The following BARHL1 variants were observed in gnomAD, a reference collection of about 807,000 sequenced individuals.
BARHL1 encodes barH-like 1 homeobox protein.
A neutral mutation model predicts 20.1 loss-of-function variants in BARHL1; 2 were observed. That is an observed-to-expected ratio of 0.10 (90% CI 0.04 to 0.31). The LOEUF is 0.31. BARHL1 is among the 10% of genes least tolerant of loss of function. The pLI is 1.00. For synonymous variants in BARHL1, 213 were observed against 209.9 expected, an observed-to-expected ratio of 1.01 and a Z score of -0.13; for missense variants, 397 against 454.0, an observed-to-expected ratio of 0.87 and a Z score of 1.14.
At chr9:132,586,097 A>G (rs114330646) in intron 1 of BARHL1, among the ~76,000 whole-genome samples, 4,278 of 152,220 alleles carry the variant, frequency 0.028, 209 homozygotes, top group African/African-American at 0.098. Flanking sequence ...TCTCCTCTGC[A>G]CTCTCCTGGC....
At chr9:132,588,333 A>C (rs1202580963) in intron 2 of BARHL1, among the ~76,000 whole-genome samples, 1 of 152,164 alleles carries the variant, frequency 6.6e-6, no homozygotes, top group East Asian at 1.9e-4. Context: ...AGAGGCAGGA[A>C]TGGTGCTTTT....
Position 132,587,513 on chromosome 9 carries a change from C to T in BARHL1, c.651C>T (p.Leu217=). The change falls in exon 2 of 3, where the codon CTC becomes CTT. Residue 217 remains leucine (L), a synonymous_variant. Transcript: ENST00000263610. This position sits in a 1 kb window ranked among gnomAD's most constrained non-coding sequence, Gnocchi z 5.5. ...DRMELAASLN[L]TDTQVKTWYQ... is the part of the protein sequence containing the mutation. ...TGGAGCTCGCCGCCTCGCTCAACCT[C>T]ACCGACACGCAGGTCAAGACCTGGT... 6.2e-7 allele frequency: 1 copy of T among 1,612,488 alleles called. No individual in the cohort carries two copies. The highest frequency in any genetic ancestry group is 8.5e-7 in the Non-Finnish European group (1 of 1,179,504).
At chr9:132,584,087 C>A (rs566521617) in intron 1 of BARHL1, among the ~76,000 whole-genome samples, 2 of 147,758 alleles carry the variant, frequency 1.4e-5, no homozygotes, top group South Asian at 4.2e-4. Flanking sequence ...CCCATCGTAA[C>A]CAAGGAGATG....
chr9:132,584,469 C>T (rs970084904), intron 1 of BARHL1, among the ~76,000 whole-genome samples: 9 of 151,316 alleles, frequency 5.9e-5, no homozygotes, highest in Admixed American at 1.3e-4. Context: ...ATTGTCTTGC[C>T]CCCTCCCCCA....
Position 132,587,314 on chromosome 9 carries a change from C to T in BARHL1, c.467-15C>T. On this transcript the variant is annotated splice_polypyrimidine_tract_variant and intron_variant, in intron 1 of 2. Transcript: ENST00000263610. The surrounding 1 kb of genome is among the most constrained non-coding windows in gnomAD (Gnocchi z 5.5). ...GGCTGCGAGGCCGGGCCCTGACATGCCGCTGTGTCCGCAGTGAAGGAGGAG... is the reference window on the plus strand; with the variant it reads ...GGCTGCGAGGCCGGGCCCTGACATGTCGCTGTGTCCGCAGTGAAGGAGGAG... 1 of 1,585,422 alleles carries T rather than the reference C, an allele frequency of 6.3e-7. No individual in the cohort carries two copies. Among genetic ancestry groups the T allele is most frequent in the Non-Finnish European group, 8.6e-7 (1 of 1,168,258 alleles).
In BARHL1 at chr9:132,583,708, G is replaced by T. The variant is rs190135514; in HGVS notation, c.466+445G>T. Among the ~76,000 whole-genome samples the T allele has an allele frequency of 3.9e-5, 6 of 152,346 alleles. No individual in the cohort carries two copies. The East Asian group carries it at 1.2e-3, about 29-fold the overall frequency. Reference sequence around the variant, plus strand: ...TCAGCTGGAGCCCTGAGAACCGTCAGAATTTTCTGCCTTTTAATCTACATT... The same window carrying T: ...TCAGCTGGAGCCCTGAGAACCGTCATAATTTTCTGCCTTTTAATCTACATT... On this transcript the variant is annotated intron_variant, in intron 1 of 2. Transcript: ENST00000263610.
intron 1 of BARHL1, among the ~76,000 whole-genome samples, chr9:132,584,883 A>C (rs1198067396): frequency 1.3e-5 from 2 of 152,174 alleles, no homozygotes; most frequent in African/African-American, 4.8e-5. Context: ...AAGGAGGGGG[A>C]AGTCAATGTA....
chr9:132,583,884 G>A (rs550926615), intron 1 of BARHL1, among the ~76,000 whole-genome samples: 2 of 152,292 alleles, frequency 1.3e-5, no homozygotes, highest in Non-Finnish European at 1.5e-5. Context: ...GCAGAGGGCA[G>A]TACCCTGCAC....
intron 1 of BARHL1, among the ~76,000 whole-genome samples, chr9:132,585,839 G>A (rs1589937931): frequency 6.6e-6 from 1 of 152,262 alleles, no homozygotes; most frequent in East Asian, 1.9e-4. Context: ...TCCCTGAGAA[G>A]CGGGGGATTT....
In BARHL1 at chr9:132,589,986, G is replaced by A. The variant is rs1319043293; in HGVS notation, c.*464G>A. Reference sequence around the variant, plus strand: ...GGAGCCCCGTCTCCCTACCCCTCGAGCACCTGGGCCAGCGGCTGAGCTGTA... The same window carrying A: ...GGAGCCCCGTCTCCCTACCCCTCGAACACCTGGGCCAGCGGCTGAGCTGTA... On this transcript the variant is annotated 3_prime_UTR_variant, in exon 3 of 3. Transcript: ENST00000263610. 1.9e-5 allele frequency: 3 copies of A among 159,804 alleles called. No individual in the cohort carries two copies. The highest frequency in any genetic ancestry group is 7.2e-5 in the African/African-American group (3 of 41,732). 9.9% of individuals were successfully genotyped at this position (159,804 alleles called of 1,614,324 possible).
chr9:132,587,450 C>G lies in BARHL1; in HGVS notation c.588C>G (p.Ser196Arg). The G allele has an allele frequency of 6.2e-7, 1 of 1,612,574 alleles. No homozygotes were observed. Among genetic ancestry groups the G allele is most frequent in the Non-Finnish European group, 8.5e-7 (1 of 1,179,694 alleles). Residue 196 changes from serine to arginine, a missense_variant, in exon 2 of 3, where the codon AGC becomes AGG. Physicochemically the swap from Ser to Arg is moderately radical, Grantham distance 110. Coordinates refer to ENST00000263610, the MANE Select transcript of BARHL1 (RefSeq NM_020064.4). The surrounding 1 kb of genome is among the most constrained non-coding windows in gnomAD (Gnocchi z 5.5). ...TDHQLAQLERSFERQKYLSVQ... is the reference protein window; with the variant it reads ...TDHQLAQLERRFERQKYLSVQ... ...ATCAGCTGGCGCAGCTGGAGCGCAG[C>G]TTCGAGCGGCAGAAGTACCTGAGCG...
Position 132,589,339 on chromosome 9 carries a change from G to A in BARHL1, c.801G>A (p.Leu267=). The A allele has an allele frequency of 6.2e-7, 1 of 1,613,542 alleles. No individual in the cohort carries two copies. The highest frequency in any genetic ancestry group is 8.5e-7 in the Non-Finnish European group (1 of 1,179,988). Residue 267 remains leucine (L), a synonymous_variant, in exon 3 of 3, where the codon CTG becomes CTA. Transcript: ENST00000263610. ...CGCCTTATTTCTACCCGCAGAGTCT[G>A]GTTTCCAACCTGGACCCCGGCGCGG... The part of the protein sequence containing the change: ...FPSPYFYPQS[L]VSNLDPGAAL...
At chr9:132,585,144 C>T (rs1000307593) in intron 1 of BARHL1, among the ~76,000 whole-genome samples, 1 of 152,144 alleles carries the variant, frequency 6.6e-6, no homozygotes, top group Non-Finnish European at 1.5e-5. Context: ...GTGACGAGGG[C>T]CGGCTGTCTA....
At chr9:132,584,901 A>C (rs1830121658) in intron 1 of BARHL1, among the ~76,000 whole-genome samples, 1 of 152,190 alleles carries the variant, frequency 6.6e-6, no homozygotes, top group Non-Finnish European at 1.5e-5. Flanking sequence ...GTAAATATAT[A>C]TTCATAACAT....
chr9:132,583,203 G>A lies in BARHL1; in HGVS notation c.406G>A (p.Asp136Asn), dbSNP rs1252207335. Residue 136 changes from aspartate to asparagine, a missense_variant, in exon 1 of 3, where the codon GAC (aspartate) becomes AAC (asparagine). Asp to Asn is a conservative substitution (Grantham distance 23). Around this residue, in one of 3 missense-constraint regions of BARHL1, gnomAD observed 272 missense variants for 298.7 expected, o/e 0.91. Coordinates refer to ENST00000263610, the MANE Select transcript of BARHL1 (RefSeq NM_020064.4). ...GGRLAAKAAE[D>N]FRDKLDKSGS... ...CCGCCTTGCGGCCAAGGCCGCGGAG[G>A]ACTTTAGAGACAAGCTGGACAAAAG... 3 of 1,613,350 alleles carry A rather than the reference G, an allele frequency of 1.9e-6. No individual in the cohort carries two copies. Among genetic ancestry groups the A allele is most frequent in the South Asian group, 1.1e-5 (1 of 91,046 alleles).
At chr9:132,589,177 G>A in intron 2 of BARHL1, 51 bp from the exon 3 acceptor site, 1 of 1,545,768 alleles carries the variant, frequency 6.5e-7, no homozygotes. Context: ...GGCTGGGGTC[G>A]CTGGATGCCC....
Position 132,587,684 on chromosome 9 carries a change from A to C in BARHL1, c.689+133A>C. 1.2e-6 allele frequency: 1 copy of C among 864,506 alleles called. No homozygotes were observed. The highest frequency in any genetic ancestry group is 1.7e-5 in the African/African-American group (1 of 58,746). The allele number at this position is 864,506 out of a possible 1,614,324, so 53.6% of individuals were successfully genotyped here. On this transcript the variant is annotated intron_variant, in intron 2 of 2. Transcript: ENST00000263610. This position sits in a 1 kb window ranked among gnomAD's most constrained non-coding sequence, Gnocchi z 5.5. ...GCCTCCCCCATTCTGTAAAAGTGGGAAACTGAGTCCCTAAGGGGACAAGGC... is the reference window on the plus strand; with the variant it reads ...GCCTCCCCCATTCTGTAAAAGTGGGCAACTGAGTCCCTAAGGGGACAAGGC...
Position 132,582,987 on chromosome 9 carries a change from C to T in BARHL1, c.190C>T (p.Pro64Ser). The T allele has an allele frequency of 1.9e-6, 3 of 1,613,814 alleles. No homozygotes were observed. Among genetic ancestry groups the T allele is most frequent in the Non-Finnish European group, 2.5e-6 (3 of 1,179,928 alleles). The change falls in exon 1 of 3, where the codon CCA becomes TCA. Residue 64 changes from proline (P) to serine (S), a missense_variant. Physicochemically the swap from Pro to Ser is moderately conservative, Grantham distance 74. This residue lies in a region of BARHL1 where 272 missense variants were observed against 298.7 expected (regional missense o/e 0.91). Coordinates refer to ENST00000263610, the MANE Select transcript of BARHL1 (RefSeq NM_020064.4). ...PGRDCLETGT[P>S]RPGGASGPGL... ...AAGGGACTGTTTGGAGACGGGGACC[C>T]CACGGCCTGGCGGGGCATCCGGCCC...
intron 1 of BARHL1, among the ~76,000 whole-genome samples, chr9:132,586,718 T>C (rs2119134075): frequency 6.6e-6 from 1 of 152,374 alleles, no homozygotes; most frequent in African/African-American, 2.4e-5. Flanking sequence ...GCGCCCTGTG[T>C]AGGTAGCGAG....
Sources: gnomAD v4.1 joint callset for allele counts (sites outside exome capture counted in the v4.1 genomes callset) on GRCh38, gnomAD v4.1.1 for gene constraint, gnomAD v4.1.1 regional missense constraint, Gnocchi (gnomAD v3.1) non-coding constraint, MANE v1.5 for transcripts, NCBI Gene and HGNC (gene_info 2026-07-23, HGNC 2026-07-21) for gene names.